The following GRIN2D variants were observed in gnomAD, a reference collection of about 807,000 sequenced individuals.
The protein encoded by GRIN2D is glutamate ionotropic receptor NMDA type subunit 2D.
In GRIN2D, 37 loss-of-function variants were observed where a neutral mutation model predicts 103.2. The ratio of observed to expected loss-of-function variants is 0.36; its 90% confidence interval spans 0.28 to 0.47. GRIN2D has a LOEUF of 0.47. Among genes scored for constraint, GRIN2D ranks in the 20% least tolerant of loss-of-function variants. GRIN2D has a pLI of 1.00. For synonymous variants in GRIN2D, 845 were observed against 885.6 expected (o/e 0.95, Z 0.81); for missense variants, 1,557 against 1,910.6 (o/e 0.81, Z 3.45).
rs377403542 is a variant in GRIN2D at position 48,443,328 on chromosome 19, C to T, written c.3402C>T (p.Phe1134=). ...TGGGCGGCCTGGAGCCCTGGTGGTT[C>T]GCCGACTTCCCTTACCCGTATGCCG... ...ASLGGLEPWW[F]ADFPYPYAER... is the part of the protein sequence containing the mutation. The change falls in exon 14 of 14, where the codon TTC becomes TTT. Residue 1134 remains phenylalanine (F), a synonymous_variant. Transcript: ENST00000263269. The surrounding 1 kb of genome is among the most constrained non-coding windows in gnomAD (Gnocchi z 8.9). 31 of 1,532,906 alleles carry T rather than the reference C, an allele frequency of 2.0e-5. No individual in the cohort carries two copies. The highest frequency in any genetic ancestry group is 2.4e-5 in the Non-Finnish European group (28 of 1,148,942). 95.0% of individuals were successfully genotyped at this position (1,532,906 alleles called of 1,614,324 possible). A position where few individuals can be genotyped will look rare whatever the true frequency, so the allele number is the denominator to read the frequency against.
intron 11 of GRIN2D, among the ~76,000 whole-genome samples, chr19:48,441,132 AGACAGGTGGACCACAAG>A (rs556711875): frequency 0.012 from 1,857 of 152,232 alleles, 30 homozygotes; most frequent in African/African-American, 0.042. Context: ...TGGGAGGCTG[AGACAGGTGGACCACAAG>A]GACAGGGGTT....
At chr19:48,412,362 T>G (rs913732867) in intron 4 of GRIN2D, among the ~76,000 whole-genome samples, 1 of 87,798 alleles carries the variant, frequency 1.1e-5, no homozygotes, top group African/African-American at 4.4e-5. Flanking sequence ...CATACATACA[T>G]AAAAATTTAA....
chr19:48,420,051 C>T (rs1233913212), intron 10 of GRIN2D, among the ~76,000 whole-genome samples: 1 of 152,036 alleles, frequency 6.6e-6, no homozygotes, highest in East Asian at 1.9e-4. Context: ...AAGAGGGTGT[C>T]CCTGAATGTT....
chr19:48,406,413 GGT>G (rs1970793219), intron 4 of GRIN2D, among the ~76,000 whole-genome samples: 1 of 152,150 alleles, frequency 6.6e-6, no homozygotes, highest in Admixed American at 6.6e-5. Context: ...TGGAAAAATT[GGT>G]AAGTTTGGTG....
chr19:48,396,104 G>A lies in GRIN2D; in HGVS notation c.-27+1168G>A, dbSNP rs77810655. ...CTCCTGAGTCCCTGACAGGGCAGGA[G>A]ATGAGTGTTGGGGACTTTAGCCCTA... On this transcript the variant is annotated intron_variant, in intron 2 of 13. Coordinates refer to ENST00000263269, the MANE Select transcript of GRIN2D (RefSeq NM_000836.4). Among the ~76,000 whole-genome samples the A allele has an allele frequency of 7.2e-5, 11 of 152,260 alleles. No individual in the cohort carries two copies. The East Asian group carries it at 1.9e-3, about 27-fold the overall frequency.
In GRIN2D at chr19:48,402,165, A is replaced by AG. The variant is rs1569059132; in HGVS notation, c.466-2569_466-2568insG. 2.9e-4 allele frequency among the ~76,000 whole-genome samples: 18 copies of AG among 62,214 alleles called. No homozygotes were observed. The East Asian group carries it at 6.7e-3, about 23-fold the overall frequency. The allele number at this position is 62,214 out of a possible 152,430, so 40.8% of individuals were successfully genotyped here. A position where few individuals can be genotyped will look rare whatever the true frequency, so the allele number is the denominator to read the frequency against. ...GAAAGAAAGAAAGAAAGAAAGAAAG[A>AG]AAGAGAGAAAAGAAAACAGAGATGG... On this transcript the variant is annotated intron_variant, in intron 3 of 13. Transcript: ENST00000263269.
At chr19:48,402,115 G>GGAAAGAAAGAAAGAAA (rs201781099) in intron 3 of GRIN2D, among the ~76,000 whole-genome samples, 1,138 of 87,966 alleles carry the variant, frequency 0.013, 7 homozygotes, top group Non-Finnish European at 0.016. Flanking sequence ...AGAAAGAGAA[G>GGAAAGAAAGAAAGAAA]GAAAGAAAGA....
At chr19:48,424,878 C>A (rs1385035071) in intron 11 of GRIN2D, among the ~76,000 whole-genome samples, 1 of 152,142 alleles carries the variant, frequency 6.6e-6, no homozygotes, top group African/African-American at 2.4e-5. Context: ...CCCCCAGGAC[C>A]CTGGGACTTT....
At chr19:48,412,435 A>AAGAAAGAG (rs1555892652) in intron 4 of GRIN2D, among the ~76,000 whole-genome samples, 2 of 143,628 alleles carry the variant, frequency 1.4e-5, no homozygotes, top group Non-Finnish European at 3.0e-5. Context: ...GAAAGAAAGA[A>AAGAAAGAG]AGAAAGAAAG....
chr19:48,415,862 A>C, intron 7 of GRIN2D, 140 bp from the exon 8 acceptor site: 1 of 714,712 alleles, frequency 1.4e-6, no homozygotes, highest in Non-Finnish European at 2.5e-6. Flanking sequence ...CCCCCTCCTC[A>C]CCCACCTCGC....
At position 48,394,179 on chromosome 19, in the gene GRIN2D, CTCTGTGTGTGTGTG is replaced by C. The variant is rs1345915076; in HGVS notation, c.-306+325_-306+338del. The stretch of plus-strand genomic sequence containing the variant: ...AGCCTGGCCCCCATTAGACCCCCCA[CTCTGTGTGTGTGTG>C]TCTGTGTGTGTGTCCCTCCTCAAGC... On this transcript the variant is annotated intron_variant, in intron 1 of 13. Transcript: ENST00000263269. The surrounding 1 kb of genome is among the most constrained non-coding windows in gnomAD (Gnocchi z 5.1). 3.3e-5 allele frequency among the ~76,000 whole-genome samples: 5 copies of C among 151,772 alleles called. No individual in the cohort carries two copies. The highest frequency in any genetic ancestry group is 5.9e-5 in the Non-Finnish European group (4 of 67,910).
At chr19:48,428,581 TC>T (rs936140419) in intron 11 of GRIN2D, among the ~76,000 whole-genome samples, 5 of 151,950 alleles carry the variant, frequency 3.3e-5, no homozygotes, top group African/African-American at 1.2e-4. Flanking sequence ...CAGGCTGGTC[TC>T]AAACTCCCAT....
rs1971345151 is a variant in GRIN2D, at chr19:48,443,900, G to C, written c.3974G>C (p.Gly1325Ala). The C allele has an allele frequency of 6.8e-7, 1 of 1,460,866 alleles. No homozygotes were observed. The highest frequency in any genetic ancestry group is 1.5e-5 in the African/African-American group (1 of 67,874). 90.5% of individuals were successfully genotyped at this position (1,460,866 alleles called of 1,614,324 possible). A position where few individuals can be genotyped will look rare whatever the true frequency, so the allele number is the denominator to read the frequency against. Residue 1325 changes from glycine to alanine, a missense_variant, in exon 14 of 14, where the codon GGC (glycine) becomes GCC (alanine). Gly to Ala is a moderately conservative substitution (Grantham distance 60). Around this residue, in one of 7 missense-constraint regions of GRIN2D, gnomAD observed 88 missense variants for 84.3 expected, o/e 1.04. Coordinates refer to ENST00000263269, the MANE Select transcript of GRIN2D (RefSeq NM_000836.4). This position sits in a 1 kb window ranked among gnomAD's most constrained non-coding sequence, Gnocchi z 8.9. The stretch of plus-strand genomic sequence containing the variant: ...GGCGGGGACCTGGGCACCCGCAGGG[G>C]CTCGGCGCACTTCTCTAGCCTCGAG... ...HRGGDLGTRR[G>A]SAHFSSLESE...
chr19:48,414,647 T>A lies in GRIN2D; in HGVS notation c.1412+63T>A. On this transcript the variant is annotated intron_variant, in intron 6 of 13. Transcript: ENST00000263269. The surrounding 1 kb of genome is among the most constrained non-coding windows in gnomAD (Gnocchi z 4.6). ...CCGCCTCCCGTGAAGCCCAGTAGTCTGGGCCCCCAGCCCCCTCCTCCCTTG... is the reference window on the plus strand; with the variant it reads ...CCGCCTCCCGTGAAGCCCAGTAGTCAGGGCCCCCAGCCCCCTCCTCCCTTG... The A allele has an allele frequency of 2.0e-6, 3 of 1,466,772 alleles. No homozygotes were observed. Among genetic ancestry groups the A allele is most frequent in the Non-Finnish European group, 1.9e-6 (2 of 1,075,184 alleles). The allele number at this position is 1,466,772 out of a possible 1,614,324, so 90.9% of individuals were successfully genotyped here.
At chr19:48,406,274 C>G (rs797006606) in intron 4 of GRIN2D, among the ~76,000 whole-genome samples, 4 of 152,214 alleles carry the variant, frequency 2.6e-5, no homozygotes, top group African/African-American at 9.6e-5. Flanking sequence ...GCCTGGCCAA[C>G]TGCAAGGAAG....
chr19:48,443,661 C>T lies in GRIN2D; in HGVS notation c.3735C>T (p.Ala1245=), dbSNP rs1001818636. 75 of 1,162,950 alleles carry T rather than the reference C, an allele frequency of 6.4e-5. No homozygotes were observed. The African/African-American group carries it at 1.2e-3, about 19-fold the overall frequency. 72.0% of individuals were successfully genotyped at this position (1,162,950 alleles called of 1,614,324 possible). A position where few individuals can be genotyped will look rare whatever the true frequency, so the allele number is the denominator to read the frequency against. The part of the protein sequence containing the change: ...RPRASHRTPA[A]AAPHHHRHRR... ...GGGCCTCGCACCGCACGCCCGCCGC[C>T]GCCGCGCCCCACCACCACAGGCACC... is the stretch of plus-strand genomic sequence containing the variant. Residue 1245 remains alanine, a synonymous_variant, in exon 14 of 14, where the codon GCC becomes GCT. Coordinates refer to ENST00000263269, the MANE Select transcript of GRIN2D (RefSeq NM_000836.4). This position sits in a 1 kb window ranked among gnomAD's most constrained non-coding sequence, Gnocchi z 8.9.
rs1275513628 is a variant in GRIN2D, at chr19:48,443,066, G to C, written c.3140G>C (p.Arg1047Pro). ...ACCGCCGTCGGGCCGCCACTCTGCC[G>C]CTTGGCCTTCGAGGACGAGAGCCCG... Reference protein sequence around the residue: ...AATAVGPPLCRLAFEDESPPA... With the variant: ...AATAVGPPLCPLAFEDESPPA... Residue 1047 changes from arginine (R) to proline (P), a missense_variant, in exon 14 of 14, where the codon CGC (arginine) becomes CCC (proline). Physicochemically the swap from Arg to Pro is moderately radical, Grantham distance 103. Around this residue, in one of 7 missense-constraint regions of GRIN2D, gnomAD observed 632 missense variants for 572.8 expected, o/e 1.10. Coordinates refer to ENST00000263269, the MANE Select transcript of GRIN2D (RefSeq NM_000836.4). This position sits in a 1 kb window ranked among gnomAD's most constrained non-coding sequence, Gnocchi z 8.9. 3 of 1,045,212 alleles carry C rather than the reference G, an allele frequency of 2.9e-6. No individual in the cohort carries two copies. In the South Asian group the frequency reaches 1.1e-4, roughly 38 times the overall value. 64.7% of individuals were successfully genotyped at this position (1,045,212 alleles called of 1,614,324 possible).
At position 48,442,980 on chromosome 19, in the gene GRIN2D, G is replaced by A. The variant is rs1971320080; in HGVS notation, c.3054G>A (p.Glu1018=). The stretch of plus-strand genomic sequence containing the variant: ...TCGTACGCGACAAGGAGCCAGCCGA[G>A]CCCCCCGCCGGCGCCTTCCCCGGCT... The part of the protein sequence containing the change: ...FAIVRDKEPA[E]PPAGAFPGFP... The change falls in exon 14 of 14, where the codon GAG becomes GAA. Residue 1018 remains glutamate (E), a synonymous_variant. Transcript: ENST00000263269. The surrounding 1 kb of genome is among the most constrained non-coding windows in gnomAD (Gnocchi z 7.2). The A allele has an allele frequency of 9.0e-7, 1 of 1,110,918 alleles. No individual in the cohort carries two copies. Among genetic ancestry groups the A allele is most frequent in the South Asian group, 2.8e-5 (1 of 35,222 alleles). 68.8% of individuals were successfully genotyped at this position (1,110,918 alleles called of 1,614,324 possible).
rs1282610232 is a variant in GRIN2D, at chr19:48,398,830, C to T, written c.438C>T (p.Gly146=). The change falls in exon 3 of 14, where the codon GGC becomes GGT. Residue 146 remains glycine (G), a synonymous_variant. Transcript: ENST00000263269. ...QTSLPIVAVH[G]GAALVLTPKE... ...CGCTGCCCATCGTGGCCGTGCACGG[C>T]GGCGCCGCGCTCGTGCTCACGCCCA... 1 of 1,392,076 alleles carries T rather than the reference C, an allele frequency of 7.2e-7. No homozygotes were observed. Among genetic ancestry groups the T allele is most frequent in the Non-Finnish European group, 9.3e-7 (1 of 1,072,982 alleles). 86.2% of individuals were successfully genotyped at this position (1,392,076 alleles called of 1,614,324 possible).
Sources: allele counts gnomAD v4.1 joint callset (sites outside exome capture counted in the v4.1 genomes callset), GRCh38; gene constraint gnomAD v4.1.1; regional missense constraint gnomAD v4.1.1; non-coding constraint Gnocchi (gnomAD v3.1); transcripts MANE v1.5; gene names NCBI Gene and HGNC (gene_info 2026-07-23, HGNC 2026-07-21).